The following UTP20 variants were observed in gnomAD, a reference collection of about 807,000 sequenced individuals.
UTP20 encodes small subunit processome component 20 homolog.
Under a neutral mutation model 329.5 loss-of-function variants are expected in UTP20, and 164 were observed. The ratio of observed to expected loss-of-function variants is 0.50; its 90% CI spans 0.44 to 0.57. UTP20 has a LOEUF of 0.57. UTP20 is among the 20% of genes least tolerant of loss of function. The pLI is 0.00. For missense variants in UTP20, 3,055 were observed against 3,284.2 expected (o/e 0.93, Z 1.71); for synonymous variants, 1,151 against 1,159.3 (o/e 0.99, Z 0.14).
At chr12:101,300,788 C>T (rs570476770) in intron 14 of UTP20, among the ~76,000 whole-genome samples, 6 of 152,224 alleles carry the variant, frequency 3.9e-5, no homozygotes, top group South Asian at 2.1e-4. Flanking sequence ...ACTAAGCAGA[C>T]GTATTAGAGA....
chr12:101,280,813 T>A (rs191341121), intron 1 of UTP20, among the ~76,000 whole-genome samples: 1 of 152,160 alleles, frequency 6.6e-6, no homozygotes, highest in South Asian at 2.1e-4. Flanking sequence ...TCCCCATGCT[T>A]ATGGGAGGGT....
At position 101,351,381 on chromosome 12, in the gene UTP20, T is replaced by C. The variant is rs1354615752; in HGVS notation, c.4885-674T>C. ...ACCTTGTGATCCACCAGCCTCGGCC[T>C]CCCAAAGTGCTGGGATTACAGGCGT... On this transcript the variant is annotated intron_variant, in intron 38 of 61. Coordinates refer to ENST00000261637, the MANE Select transcript of UTP20 (RefSeq NM_014503.3). Among the ~76,000 whole-genome samples the C allele has an allele frequency of 2.6e-5, 4 of 152,264 alleles. No individual in the cohort carries two copies. In the East Asian group the frequency reaches 5.8e-4, roughly 22 times the overall value.
chr12:101,370,203 C>T (rs1870238988), intron 49 of UTP20, among the ~76,000 whole-genome samples: 1 of 152,098 alleles, frequency 6.6e-6, no homozygotes, highest in African/African-American at 2.4e-5. Flanking sequence ...GGTGACAGAG[C>T]GAGACCCTGA....
At position 101,356,968 on chromosome 12, in the gene UTP20, A is replaced by G; in HGVS notation, c.5577A>G (p.Gln1859=). The change falls in exon 43 of 62, where the codon CAA becomes CAG. Residue 1859 remains glutamine (Q), a synonymous_variant. Coordinates refer to ENST00000261637, the MANE Select transcript of UTP20 (RefSeq NM_014503.3). ...GTGCCCTACTCAAGAACAGAGCCCA[A>G]GAAATCAGAGACATTGCACGCAGCA... The part of the protein sequence containing the change: ...KVCALLKNRA[Q]EIRDIARSTL... The G allele has an allele frequency of 6.2e-7, 1 of 1,614,078 alleles. No individual in the cohort carries two copies. The highest frequency in any genetic ancestry group is 1.1e-5 in the South Asian group (1 of 91,006).
chr12:101,334,512 C>T lies in UTP20; in HGVS notation c.3641+8C>T. The T allele has an allele frequency of 6.2e-7, 1 of 1,606,594 alleles. No homozygotes were observed. The highest frequency in any genetic ancestry group is 2.2e-5 in the East Asian group (1 of 44,808). On this transcript the variant is annotated splice_region_variant and intron_variant, in intron 29 of 61. Coordinates refer to ENST00000261637, the MANE Select transcript of UTP20 (RefSeq NM_014503.3). ...CTGGAGCAGAAACGCAAGGTATAAC[C>T]TTTCTTTTTTCCTTCTTTAAAAAGG...
chr12:101,345,760 C>A, intron 37 of UTP20, 66 bp downstream of exon 37: 1 of 1,403,974 alleles, frequency 7.1e-7, no homozygotes, highest in Non-Finnish European at 9.5e-7. Flanking sequence ...AGTTCTACCT[C>A]ATTTGGAAAG....
In UTP20 at chr12:101,292,006, A is replaced by G; in HGVS notation, c.1075A>G (p.Thr359Ala). 6.2e-7 allele frequency: 1 copy of G among 1,614,146 alleles called. No individual in the cohort carries two copies. Among genetic ancestry groups the G allele is most frequent in the Non-Finnish European group, 8.5e-7 (1 of 1,180,010 alleles). The change falls in exon 10 of 62, where the codon ACA (threonine) becomes GCA (alanine). Residue 359 changes from threonine (T) to alanine (A), a missense_variant. By Grantham distance (58) the Thr-to-Ala change is moderately conservative. This residue lies in a region of UTP20 where 2,445 missense variants were observed against 2,575.5 expected (regional missense o/e 0.95). Coordinates refer to ENST00000261637, the MANE Select transcript of UTP20 (RefSeq NM_014503.3). ...SQTLQVASLSTSCWETLLDVI... is the reference protein window; with the variant it reads ...SQTLQVASLSASCWETLLDVI... ...AACACTGCAAGTAGCCAGTCTCTCC[A>G]CATCTTGCTGGGAGACCCTCTTGGA...
At chr12:101,290,595 A>T in intron 7 of UTP20, 138 bp from the exon 8 acceptor site, 1 of 939,526 alleles carries the variant, frequency 1.1e-6, no homozygotes, top group Non-Finnish European at 1.5e-6. Flanking sequence ...ACACGTTATT[A>T]ACCATCAAAG....
chr12:101,354,901 A>G lies in UTP20; in HGVS notation c.5177A>G (p.Lys1726Arg). The G allele has an allele frequency of 6.2e-7, 1 of 1,614,188 alleles. No homozygotes were observed. The highest frequency in any genetic ancestry group is 8.5e-7 in the Non-Finnish European group (1 of 1,180,038). ...MELERVDEEE[K>R]EYTCKSLSDN... ...TTAGAGCGTGTGGATGAGGAAGAGA[A>G]GGAATATACATGCAAGAGTTTGTCA... The change falls in exon 41 of 62, where the codon AAG (lysine) becomes AGG (arginine). Residue 1726 changes from lysine to arginine, a missense_variant. By Grantham distance (26) the Lys-to-Arg change is conservative. Around this residue, in one of 3 missense-constraint regions of UTP20, gnomAD observed 2,445 missense variants for 2,575.5 expected, o/e 0.95. Transcript: ENST00000261637.
intron 21 of UTP20, among the ~76,000 whole-genome samples, chr12:101,315,234 C>T (rs377738093): frequency 6.6e-6 from 1 of 152,130 alleles, no homozygotes; most frequent in South Asian, 2.1e-4. Flanking sequence ...ACCTGTAATC[C>T]CAGCACTTTG....
At chr12:101,367,763 A>G in intron 47 of UTP20, 97 bp from the exon 48 acceptor site, 1 of 755,020 alleles carries the variant, frequency 1.3e-6, no homozygotes, top group Non-Finnish European at 2.3e-6. Context: ...GAAGTATCTT[A>G]ACATTTCTTG....
At chr12:101,367,588 C>T (rs1376800077) in intron 47 of UTP20, among the ~76,000 whole-genome samples, 1 of 152,136 alleles carries the variant, frequency 6.6e-6, no homozygotes, top group African/African-American at 2.4e-5. Context: ...TGGTTATTGC[C>T]ATATCCTGCG....
chr12:101,324,845 T>C (rs571238104), intron 25 of UTP20, among the ~76,000 whole-genome samples: 2 of 152,348 alleles, frequency 1.3e-5, no homozygotes, highest in Admixed American at 1.3e-4. Context: ...CATTCCTTTT[T>C]TGTAGTCTTT....
rs1328287343 is a variant in UTP20 at position 101,363,606 on chromosome 12, G to A, written c.5821G>A (p.Ala1941Thr). 18 of 1,613,768 alleles carry A rather than the reference G, an allele frequency of 1.1e-5. No individual in the cohort carries two copies. The highest frequency in any genetic ancestry group is 1.4e-5 in the Non-Finnish European group (17 of 1,179,886). Reference protein sequence around the residue: ...IFNHELFGAVAEEKEVKQILS... With the variant: ...IFNHELFGAVTEEKEVKQILS... ...TAACCATGAGTTGTTTGGTGCTGTT[G>A]CTGAAGAGAAGGAAGTAAAGCAGAT... The change falls in exon 45 of 62, where the codon GCT becomes ACT. Residue 1941 changes from alanine (A) to threonine (T), a missense_variant. Physicochemically the swap from Ala to Thr is moderately conservative, Grantham distance 58. Coordinates refer to ENST00000261637, the MANE Select transcript of UTP20 (RefSeq NM_014503.3).
intron 43 of UTP20, among the ~76,000 whole-genome samples, chr12:101,358,749 A>G (rs1869809652): frequency 6.6e-6 from 1 of 151,794 alleles, no homozygotes; most frequent in Non-Finnish European, 1.5e-5. Context: ...TTTTTCCCAC[A>G]TCAGGCAGAT....
At chr12:101,321,455 A>G (rs368649610) in intron 24 of UTP20, 49 bp from the exon 25 acceptor site, 75 of 1,604,886 alleles carry the variant, frequency 4.7e-5, no homozygotes, top group Non-Finnish European at 6.2e-5. Flanking sequence ...TCATTATTCA[A>G]AAGCACTGTT....
chr12:101,322,963 G>T (rs1009106557), intron 25 of UTP20, among the ~76,000 whole-genome samples: 2 of 152,056 alleles, frequency 1.3e-5, no homozygotes, highest in Non-Finnish European at 2.9e-5. Flanking sequence ...GGAAACATCC[G>T]CAATACTTGT....
chr12:101,337,561 C>T (rs1342369901), intron 29 of UTP20, among the ~76,000 whole-genome samples: 1 of 152,162 alleles, frequency 6.6e-6, no homozygotes, highest in Admixed American at 6.5e-5. Context: ...GTTCCATATC[C>T]TAATCAATAA....
rs201826514 is a variant in UTP20, at chr12:101,355,109, T to G, written c.5385T>G (p.Leu1795=). 3 of 1,613,216 alleles carry G rather than the reference T, an allele frequency of 1.9e-6. No homozygotes were observed. In the East Asian group the frequency reaches 6.7e-5, roughly 36 times the overall value. Residue 1795 remains leucine (L), a synonymous_variant, in exon 41 of 62, where the codon CTT becomes CTG. Transcript: ENST00000261637. ...GDILPRLHKC[L]ASTTKREEEH... is the part of the protein sequence containing the mutation. Reference sequence around the variant, plus strand: ...TTCTCCCCAGGCTACATAAATGCCTTGCATCTACGGTAATAAATTTATTCG... The same window carrying G: ...TTCTCCCCAGGCTACATAAATGCCTGGCATCTACGGTAATAAATTTATTCG...
Sources: gnomAD v4.1 joint callset for allele counts (sites outside exome capture counted in the v4.1 genomes callset) on GRCh38, gnomAD v4.1.1 for gene constraint, gnomAD v4.1.1 regional missense constraint, MANE v1.5 for transcripts, NCBI Gene and HGNC (gene_info 2026-07-23, HGNC 2026-07-21) for gene names.